Variants in NPIPB2 observed in about 807,000 individuals in gnomAD.
NPIPB2 encodes the protein nuclear pore complex interacting protein family member B2.
Under a neutral mutation model 30.8 loss-of-function variants are expected in NPIPB2, and 27 were observed. The observed-to-expected ratio is 0.88, with a 90% CI of 0.65 to 1.21. NPIPB2 has a LOEUF of 1.21. Ranked by LOEUF, NPIPB2 falls within the 50% of genes most tolerant of loss-of-function variation. The pLI, the probability that NPIPB2 is intolerant of heterozygous loss-of-function variation, is 0.00. For missense variants in NPIPB2, 440 were observed against 446.2 expected (o/e 0.99, Z 0.13); for synonymous variants, 147 against 162.0 (o/e 0.91, Z 0.70).
chr16:11,946,778 C>T (rs983595938), upstream of NPIPB2, among the ~76,000 whole-genome samples: 8 of 152,022 alleles, frequency 5.3e-5, no homozygotes, highest in South Asian at 2.1e-4. Flanking sequence ...CAATCTTATT[C>T]GTAGGTATCT....
At chr16:11,968,913 C>G (rs2150943190) in intron 1 of NPIPB2, among the ~76,000 whole-genome samples, 1 of 150,784 alleles carries the variant, frequency 6.6e-6, no homozygotes, top group South Asian at 2.1e-4. Flanking sequence ...GTTGCCCAGG[C>G]TGGAGTGCAG....
At chr16:11,932,829 C>A (rs1407226437) in intron 4 of NPIPB2, among the ~76,000 whole-genome samples, 1 of 117,546 alleles carries the variant, frequency 8.5e-6, no homozygotes, top group Non-Finnish European at 1.7e-5. Flanking sequence ...AATGTGGTGG[C>A]ACACACCTGT....
intron 1 of NPIPB2, among the ~76,000 whole-genome samples, chr16:11,963,196 A>G (rs1248664550): frequency 6.6e-6 from 1 of 152,148 alleles, no homozygotes; most frequent in Non-Finnish European, 1.5e-5. Context: ...CCTGACCAAC[A>G]CGGTGAAACC....
chr16:11,953,208 C>G (rs1026577126), intron 1 of NPIPB2, among the ~76,000 whole-genome samples: 2 of 152,118 alleles, frequency 1.3e-5, no homozygotes, highest in African/African-American at 4.8e-5. Flanking sequence ...TGCAGTGGCG[C>G]AATGTTGGCT....
At chr16:11,968,069 C>T (rs1427841907) in intron 1 of NPIPB2, 10 of 500,920 alleles carry the variant, frequency 2.0e-5, no homozygotes, top group South Asian at 1.1e-4. Flanking sequence ...TTTTTCCTGA[C>T]ATCTAAGTTT....
chr16:11,951,629 C>CAG (rs2150927921), intron 1 of NPIPB2, among the ~76,000 whole-genome samples: 1 of 127,330 alleles, frequency 7.9e-6, no homozygotes, highest in Admixed American at 7.8e-5. Context: ...TACACATACA[C>CAG]ACACACACAC....
chr16:11,962,627 A>C (rs1224941625), intron 1 of NPIPB2, among the ~76,000 whole-genome samples: 1 of 151,024 alleles, frequency 6.6e-6, no homozygotes, highest in Non-Finnish European at 1.5e-5. Flanking sequence ...AAAAAAAAAA[A>C]AACCAAAAAA....
upstream of NPIPB2, chr16:11,942,104 T>C (rs540119054): frequency 3.7e-5 from 56 of 1,532,044 alleles, no homozygotes; most frequent in Middle Eastern, 2.3e-4. Context: ...TGTAGCCATC[T>C]GTCCATCAAC....
exon 8 of NPIPB2, chr16:11,927,413 C>T: frequency 9.3e-7 from 1 of 1,071,572 alleles, no homozygotes; most frequent in South Asian, 1.3e-5. Context: ...CTTACTCAAC[C>T]TCCGCCTCTT....
chr16:11,968,506 A>T (rs1319769613), intron 1 of NPIPB2: 1 of 151,756 alleles, frequency 6.6e-6, no homozygotes, highest in South Asian at 2.1e-4. Flanking sequence ...AAACAAAAAG[A>T]CCTCCAGCTT....
intron 4 of NPIPB2, among the ~76,000 whole-genome samples, chr16:11,932,943 G>A (rs1415722165): frequency 6.7e-6 from 1 of 149,804 alleles, no homozygotes; most frequent in Non-Finnish European, 1.5e-5. Flanking sequence ...GGGCGACAGA[G>A]CGAGACTCTA....
chr16:11,932,553 G>A (rs1314496888), intron 4 of NPIPB2, among the ~76,000 whole-genome samples: 7 of 150,984 alleles, frequency 4.6e-5, no homozygotes, highest in African/African-American at 7.3e-5. Context: ...CGAGGTGTGC[G>A]GATCATGATG....
chr16:11,951,460 C>CAA (rs144775580), intron 1 of NPIPB2, among the ~76,000 whole-genome samples: 32,085 of 49,548 alleles, frequency 0.65, 10,963 homozygotes, highest in East Asian at 0.73. Context: ...AAGACTGTCT[C>CAA]AAAAAAAAAA....
chr16:11,957,325 C>A (rs548032411), intron 1 of NPIPB2, among the ~76,000 whole-genome samples: 2 of 151,940 alleles, frequency 1.3e-5, no homozygotes, highest in Non-Finnish European at 2.9e-5. Flanking sequence ...ACACCACGCC[C>A]GGCTAAGTTT....
At chr16:11,957,132 C>T (rs569124543) in intron 1 of NPIPB2, among the ~76,000 whole-genome samples, 44 of 149,330 alleles carry the variant, frequency 2.9e-4, no homozygotes, top group African/African-American at 1.0e-3. Context: ...GCTGGGATTA[C>T]AGGTATGTGC....
At chr16:11,932,562 T>C (rs1166578507) in intron 4 of NPIPB2, among the ~76,000 whole-genome samples, 2 of 150,498 alleles carry the variant, frequency 1.3e-5, no homozygotes, top group African/African-American at 4.9e-5. Context: ...CGGATCATGA[T>C]GTCAGGAGTT....
At chr16:11,927,608 A>C (rs553810246) in exon 8 of NPIPB2, 1 of 1,605,896 alleles carries the variant, frequency 6.2e-7, no homozygotes, top group Non-Finnish European at 8.5e-7. Context: ...AGGTGTCTTG[A>C]GATTATCATC....
chr16:11,934,794 G>A (rs1456621226), intron 2 of NPIPB2, among the ~76,000 whole-genome samples: 1 of 142,882 alleles, frequency 7.0e-6, no homozygotes, highest in Non-Finnish European at 1.5e-5. Context: ...AGGAGGCAGA[G>A]GTTGCAGTGA....
At chr16:11,934,316 G>C (rs2054835605) in intron 2 of NPIPB2, among the ~76,000 whole-genome samples, 1 of 150,926 alleles carries the variant, frequency 6.6e-6, no homozygotes, top group South Asian at 2.1e-4. Context: ...CACTTTGGGA[G>C]GCCGAGGCAG....
Sources: allele counts gnomAD v4.1 joint callset (sites outside exome capture counted in the v4.1 genomes callset), GRCh38; gene constraint gnomAD v4.1.1; transcripts MANE v1.5; gene names NCBI Gene and HGNC (gene_info 2026-07-23, HGNC 2026-07-21).